MAGI2: variants seen among roughly 807,000 people sequenced by gnomAD.
MAGI2 encodes the protein membrane-associated guanylate kinase, WW and PDZ domain-containing protein 2.
In MAGI2, 35 loss-of-function variants were observed where a neutral mutation model predicts 133.3. The ratio of observed to expected loss-of-function variants is 0.26; its 90% confidence interval spans 0.20 to 0.35. MAGI2 has a LOEUF of 0.35. Among genes scored for constraint, MAGI2 ranks in the 10% least tolerant of loss-of-function variants. The pLI, the probability that MAGI2 is intolerant of heterozygous loss-of-function variation, is 1.00. For synonymous variants in MAGI2, 729 were observed against 710.6 expected (o/e 1.03, Z -0.41); for missense variants, 1,636 against 1,863.4 (o/e 0.88, Z 2.25).
intron 1 of MAGI2, among the ~76,000 whole-genome samples, chr7:79,020,320 T>A (rs911542519): frequency 2.0e-5 from 3 of 152,218 alleles, no homozygotes; most frequent in African/African-American, 7.2e-5. Flanking sequence ...TTCAGTGTTA[T>A]GTATTCACAA....
At chr7:78,223,149 C>T (rs1789001563) in intron 10 of MAGI2, among the ~76,000 whole-genome samples, 1 of 152,154 alleles carries the variant, frequency 6.6e-6, no homozygotes, top group African/African-American at 2.4e-5. Context: ...GGGTATCACA[C>T]CTGGGCTTTC....
At chr7:78,031,234 A>T (rs928722846) in intron 21 of MAGI2, among the ~76,000 whole-genome samples, 1 of 152,164 alleles carries the variant, frequency 6.6e-6, no homozygotes, top group Non-Finnish European at 1.5e-5. Context: ...ACAATGGGGG[A>T]TAAGAGAATT....
intron 21 of MAGI2, among the ~76,000 whole-genome samples, chr7:78,060,498 A>C (rs1813128507): frequency 1.3e-5 from 2 of 152,266 alleles, no homozygotes; most frequent in South Asian, 4.1e-4. Context: ...AAGGAGTTTG[A>C]ATACCACAAA....
chr7:79,405,840 C>T (rs534078870), intron 1 of MAGI2, among the ~76,000 whole-genome samples: 1 of 150,862 alleles, frequency 6.6e-6, no homozygotes, highest in Admixed American at 6.6e-5. Flanking sequence ...CCCAAAATAT[C>T]CTTTGTTCTG....
chr7:78,650,182 T>C (rs1811396224), intron 2 of MAGI2, among the ~76,000 whole-genome samples: 1 of 152,180 alleles, frequency 6.6e-6, no homozygotes, highest in Non-Finnish European at 1.5e-5. Flanking sequence ...CCGCAAGCAC[T>C]GATACTACAT....
intron 7 of MAGI2, among the ~76,000 whole-genome samples, chr7:78,365,310 G>C (rs1213757486): frequency 6.6e-6 from 1 of 152,208 alleles, no homozygotes; most frequent in East Asian, 1.9e-4. Context: ...CCAGGGAGGA[G>C]ATGTTCTTGA....
At chr7:78,515,888 A>T (rs1161714676) in intron 4 of MAGI2, among the ~76,000 whole-genome samples, 1 of 152,112 alleles carries the variant, frequency 6.6e-6, no homozygotes, top group Non-Finnish European at 1.5e-5. Context: ...AACAAGAGTG[A>T]AACTCTATCT....
intron 1 of MAGI2, among the ~76,000 whole-genome samples, chr7:79,185,761 C>G (rs1260488511): frequency 1.3e-5 from 2 of 151,674 alleles, no homozygotes; most frequent in Non-Finnish European, 2.9e-5. Flanking sequence ...ATGATTCAGG[C>G]TAACATTATG....
At chr7:79,423,976 A>G (rs891529205) in intron 1 of MAGI2, among the ~76,000 whole-genome samples, 1 of 152,134 alleles carries the variant, frequency 6.6e-6, no homozygotes, top group South Asian at 2.1e-4. Flanking sequence ...TTAACTATGT[A>G]TATATATTCC....
In MAGI2 at chr7:78,256,629, T is replaced by C. The variant is rs369402536; in HGVS notation, c.1409-48A>G. On this transcript the variant is annotated intron_variant, in intron 9 of 21. Transcript: ENST00000354212. Reference sequence around the variant, plus strand: ...CAACATGAGGTAAGTTCAATTAACATTGACATAGAGAAATGGAATTATTTA... The same window carrying C: ...CAACATGAGGTAAGTTCAATTAACACTGACATAGAGAAATGGAATTATTTA... 7.5e-6 allele frequency: 11 copies of C among 1,462,760 alleles called. No individual in the cohort carries two copies. In the African/African-American group the frequency reaches 8.5e-5, roughly 11 times the overall value. The allele number at this position is 1,462,760 out of a possible 1,614,324, so 90.6% of individuals were successfully genotyped here.
chr7:78,597,751 G>C (rs915505654), intron 3 of MAGI2, among the ~76,000 whole-genome samples: 1 of 152,078 alleles, frequency 6.6e-6, no homozygotes, highest in Non-Finnish European at 1.5e-5. Flanking sequence ...TGGGAACTAG[G>C]CTATTAAAAT....
At chr7:79,075,280 G>T (rs565744121) in intron 1 of MAGI2, among the ~76,000 whole-genome samples, 10 of 152,166 alleles carry the variant, frequency 6.6e-5, no homozygotes, top group African/African-American at 2.2e-4. Flanking sequence ...GAATGCCTTA[G>T]AGCAATCATG....
intron 3 of MAGI2, among the ~76,000 whole-genome samples, chr7:78,529,668 GTTTTT>G (rs554010061): frequency 0.034 from 1,937 of 57,436 alleles, 115 homozygotes; most frequent in South Asian, 0.074. Flanking sequence ...AAAGGAGATG[GTTTTT>G]TTTTTTTTTT....
At chr7:78,950,964 G>A (rs577682966) in intron 2 of MAGI2, among the ~76,000 whole-genome samples, 295 of 145,016 alleles carry the variant, frequency 2.0e-3, no homozygotes, top group African/African-American at 6.8e-3. Context: ...CCACCCTAAC[G>A]TTAGCTTTTT....
At chr7:78,667,871 A>G (rs991083874) in intron 2 of MAGI2, among the ~76,000 whole-genome samples, 7 of 152,166 alleles carry the variant, frequency 4.6e-5, no homozygotes, top group Non-Finnish European at 1.0e-4. Flanking sequence ...GTGTCTTCAT[A>G]GCAGCATGAT....
chr7:78,062,885 C>T (rs77075826), intron 21 of MAGI2, among the ~76,000 whole-genome samples: 5,497 of 152,242 alleles, frequency 0.036, 340 homozygotes, highest in African/African-American at 0.13. Flanking sequence ...AGCTTCCTGA[C>T]ATCATCTCCC....
At chr7:78,659,424 C>CAAAAAAAAAAAAAAAAAA in intron 2 of MAGI2, among the ~76,000 whole-genome samples, 1 of 23,676 alleles carries the variant, frequency 4.2e-5, no homozygotes, top group Non-Finnish European at 7.0e-5. Flanking sequence ...GACTTCATCT[C>CAAAAAAAAAAAAAAAAAA]AAAAAAAAAA....
chr7:78,250,517 G>A (rs1792278444), intron 10 of MAGI2, among the ~76,000 whole-genome samples: 1 of 151,878 alleles, frequency 6.6e-6, no homozygotes, highest in African/African-American at 2.4e-5. Context: ...GAAGTAAGCT[G>A]GAGAGAAAAA....
intron 2 of MAGI2, among the ~76,000 whole-genome samples, chr7:78,767,339 G>A (rs912487921): frequency 2.0e-5 from 3 of 150,414 alleles, no homozygotes; most frequent in Non-Finnish European, 4.4e-5. Flanking sequence ...AGTCAAAAAG[G>A]CAACACACTT....
Sources: gnomAD v4.1 joint callset for allele counts (sites outside exome capture counted in the v4.1 genomes callset) on GRCh38, gnomAD v4.1.1 for gene constraint, MANE v1.5 for transcripts, NCBI Gene and HGNC (gene_info 2026-07-23, HGNC 2026-07-21) for gene names.